Variants in SLC25A33 observed in about 807,000 individuals in gnomAD.
SLC25A33 encodes solute carrier family 25 member 33.
A neutral mutation model predicts 35.5 loss-of-function variants in SLC25A33; 15 were observed. The observed-to-expected ratio is 0.42, with a 90% confidence interval of 0.28 to 0.65. The LOEUF is 0.65. Among genes scored for constraint, SLC25A33 ranks in the 30% least tolerant of loss-of-function variants. The pLI is 0.20. For missense variants in SLC25A33, 257 were observed against 398.5 expected (o/e 0.64, Z 3.02); for synonymous variants, 136 against 148.7 (o/e 0.91, Z 0.62).
intron 5 of SLC25A33, among the ~76,000 whole-genome samples, chr1:9,579,348 A>C: frequency 8.5e-6 from 1 of 118,058 alleles, no homozygotes; most frequent in Non-Finnish European, 1.7e-5. Flanking sequence ...CCCACACACC[A>C]GTTGTATGTC....
rs140691149 is a variant in SLC25A33, at chr1:9,568,970, G to A, written c.315-1288G>A. 8.8e-3 allele frequency among the ~76,000 whole-genome samples: 1,333 copies of A among 152,184 alleles called. 21 individuals carry two copies. The highest frequency in any genetic ancestry group is 0.03 in the African/African-American group (1,246 of 41,518). ...TCCAATTTAAACATAAATCGGCTGG[G>A]CGCAGTAGCCCACACCTATAATCCC... On this transcript the variant is annotated intron_variant, in intron 3 of 6. Coordinates refer to ENST00000302692, the MANE Select transcript of SLC25A33 (RefSeq NM_032315.3).
intron 1 of SLC25A33, among the ~76,000 whole-genome samples, chr1:9,550,222 T>G (rs1643247134): frequency 6.7e-6 from 1 of 149,122 alleles, no homozygotes; most frequent in South Asian, 2.1e-4. Context: ...GAGGAAGACC[T>G]TCTCTCTTTA....
intron 4 of SLC25A33, 57 bp downstream of exon 4, chr1:9,570,415 A>T (rs1273147993): frequency 7.1e-7 from 1 of 1,416,412 alleles, no homozygotes; most frequent in African/African-American, 1.4e-5. Flanking sequence ...TAAAGCATGC[A>T]TTGTGCCAGT....
intron 1 of SLC25A33, among the ~76,000 whole-genome samples, chr1:9,549,043 G>A (rs1643221262): frequency 6.6e-6 from 1 of 152,186 alleles, no homozygotes; most frequent in African/African-American, 2.4e-5. Flanking sequence ...GAGCTTGTAA[G>A]GCAGGGAGAC....
chr1:9,557,230 G>A (rs573585468), intron 2 of SLC25A33, among the ~76,000 whole-genome samples: 49 of 152,322 alleles, frequency 3.2e-4, no homozygotes, highest in African/African-American at 1.1e-3. Context: ...ACTGTGCTCG[G>A]CATGAATACT....
chr1:9,550,007 A>AT (rs1292708985), intron 1 of SLC25A33, among the ~76,000 whole-genome samples: 15 of 55,238 alleles, frequency 2.7e-4, no homozygotes, highest in Non-Finnish European at 3.5e-4. Context: ...ATATATATAT[A>AT]TATATTTTTT....
chr1:9,570,421 C>A, intron 4 of SLC25A33, 63 bp downstream of exon 4: 2 of 1,350,358 alleles, frequency 1.5e-6, no homozygotes, highest in South Asian at 1.3e-5. Context: ...ATGCATTGTG[C>A]CAGTTTTTCC....
chr1:9,572,940 G>A (rs1643611721), intron 4 of SLC25A33, among the ~76,000 whole-genome samples: 1 of 151,572 alleles, frequency 6.6e-6, no homozygotes, highest in Non-Finnish European at 1.5e-5. Context: ...AGATGGAGAA[G>A]GCATACTCAC....
intron 5 of SLC25A33, 73 bp downstream of exon 5, chr1:9,573,485 A>ATC: frequency 8.3e-7 from 1 of 1,210,950 alleles, no homozygotes; most frequent in Non-Finnish European, 1.2e-6. Context: ...ATTCCTCCAC[A>ATC]TCTCTAAGGA....
intron 2 of SLC25A33, among the ~76,000 whole-genome samples, chr1:9,555,204 G>A (rs972930164): frequency 5.8e-5 from 8 of 138,002 alleles, no homozygotes; most frequent in African/African-American, 1.9e-4. Context: ...TGCAAGCTCC[G>A]CCTCCTGGGT....
At chr1:9,555,351 C>T (rs1007997648) in intron 2 of SLC25A33, among the ~76,000 whole-genome samples, 3 of 151,928 alleles carry the variant, frequency 2.0e-5, no homozygotes, top group Non-Finnish European at 2.9e-5. Flanking sequence ...ATTTCCTGAC[C>T]TCGTGATCCG....
rs55887722 is a variant in SLC25A33, at chr1:9,550,012, T to TATATATG, written c.57-3614_57-3613insATATATG. Reference sequence around the variant, plus strand: ...TTTTCTATACATATATATATATATATTTTTTTTTTTTTTTTTTTTTTTTTT... The same window carrying TATATATG: ...TTTTCTATACATATATATATATATATATATATGTTTTTTTTTTTTTTTTTTTTTTTTT... On this transcript the variant is annotated intron_variant, in intron 1 of 6. Coordinates refer to ENST00000302692, the MANE Select transcript of SLC25A33 (RefSeq NM_032315.3). Among the ~76,000 whole-genome samples, 6 of 33,844 alleles carry TATATATG rather than the reference T, an allele frequency of 1.8e-4. 1 individual carries two copies. The highest frequency in any genetic ancestry group is 5.2e-4 in the African/African-American group (6 of 11,544). 22.2% of individuals were successfully genotyped at this position (33,844 alleles called of 152,430 possible).
chr1:9,539,771 CG>C, intron 1 of SLC25A33, 24 bp downstream of exon 1: 1 of 1,352,406 alleles, frequency 7.4e-7, no homozygotes, highest in South Asian at 1.7e-5. Context: ...CCCAGCCGCG[CG>C]CGCCCCACCG....
At chr1:9,567,192 T>G in intron 2 of SLC25A33, 92 bp from the exon 3 acceptor site, 3 of 1,039,768 alleles carry the variant, frequency 2.9e-6, no homozygotes, top group Non-Finnish European at 4.3e-6. Flanking sequence ...CATTTTATTC[T>G]CTCAAGGAAC....
At chr1:9,561,858 A>G (rs1643427372) in intron 2 of SLC25A33, among the ~76,000 whole-genome samples, 1 of 152,118 alleles carries the variant, frequency 6.6e-6, no homozygotes, top group South Asian at 2.1e-4. Flanking sequence ...ATTATGTGCT[A>G]TATTATAAAG....
chr1:9,564,747 T>C (rs867425718), intron 2 of SLC25A33, among the ~76,000 whole-genome samples: 1 of 123,696 alleles, frequency 8.1e-6, no homozygotes, highest in Non-Finnish European at 1.6e-5. Flanking sequence ...AAAATATATA[T>C]ATATATATAT....
Position 9,578,277 on chromosome 1 carries a change from C to T in SLC25A33, c.483-1677C>T, listed in dbSNP as rs116329847. On this transcript the variant is annotated intron_variant, in intron 5 of 6. Coordinates refer to ENST00000302692, the MANE Select transcript of SLC25A33 (RefSeq NM_032315.3). This position sits in a 1 kb window ranked among gnomAD's most constrained non-coding sequence, Gnocchi z 4.3. ...GGATTTGTGTTAGAAAGGTCACTGC[C>T]GCTAAGGAGCGGGAACAGTCTATGC... Among the ~76,000 whole-genome samples the T allele has an allele frequency of 2.9e-4, 44 of 152,156 alleles. No individual in the cohort carries two copies. The highest frequency in any genetic ancestry group is 9.9e-4 in the African/African-American group (41 of 41,512).
In SLC25A33 at chr1:9,573,274, T is replaced by C. The variant is rs1196270209; in HGVS notation, c.416-72T>C. On this transcript the variant is annotated intron_variant, in intron 4 of 6. Coordinates refer to ENST00000302692, the MANE Select transcript of SLC25A33 (RefSeq NM_032315.3). ...GAAATCCCTATTTCAAAGTTTATTA[T>C]ATGATAATAGACATCTTTAATAAGT... 3.6e-6 allele frequency: 4 copies of C among 1,101,438 alleles called. No individual in the cohort carries two copies. The African/African-American group carries it at 4.8e-5, about 13-fold the overall frequency. The allele number at this position is 1,101,438 out of a possible 1,614,324, so 68.2% of individuals were successfully genotyped here. A position where few individuals can be genotyped will look rare whatever the true frequency, so the allele number is the denominator to read the frequency against.
chr1:9,560,729 TTCTC>T (rs1346151453), intron 2 of SLC25A33, among the ~76,000 whole-genome samples: 15 of 151,960 alleles, frequency 9.9e-5, no homozygotes, highest in African/African-American at 3.6e-4. Flanking sequence ...AAGAAAAAAA[TTCTC>T]TATTGAAGAA....
Sources: allele counts gnomAD v4.1 joint callset (sites outside exome capture counted in the v4.1 genomes callset), GRCh38; gene constraint gnomAD v4.1.1; non-coding constraint Gnocchi (gnomAD v3.1); transcripts MANE v1.5; gene names NCBI Gene and HGNC (gene_info 2026-07-23, HGNC 2026-07-21).